WNK3: variants seen among roughly 807,000 people sequenced by gnomAD.
WNK3 encodes the protein serine/threonine-protein kinase WNK3.
Under a neutral mutation model 116.7 loss-of-function variants are expected in WNK3, and 18 were observed. That is an observed-to-expected ratio of 0.15 (90% CI 0.11 to 0.23). The LOEUF (loss-of-function observed/expected upper bound fraction) is 0.23, where lower values mean the gene tolerates loss of function less well. Ranked by LOEUF, WNK3 falls within the 10% of genes least tolerant of loss-of-function variation. The pLI is 1.00. For synonymous variants in WNK3, 404 were observed against 469.4 expected (o/e 0.86, Z 1.80); for missense variants, 993 against 1,323.8 (o/e 0.75, Z 3.88).
intron 22 of WNK3, among the ~76,000 whole-genome samples, chrX:54,217,098 T>C (rs1413817224): frequency 9.2e-6 from 1 of 109,221 alleles, no homozygotes; most frequent in Non-Finnish European, 1.9e-5. Context: ...GGCAGGCAGA[T>C]CACGAGGTCG....
chrX:54,222,007 A>C (rs914166771), intron 22 of WNK3, among the ~76,000 whole-genome samples: 11 of 110,916 alleles, frequency 9.9e-5, no homozygotes, highest in African/African-American at 3.6e-4. Flanking sequence ...AAATACAAAA[A>C]TTAGCTGCAC....
chrX:54,332,972 A>T (rs1200202761), intron 2 of WNK3, among the ~76,000 whole-genome samples, 165 bp downstream of exon 2: 2 of 110,639 alleles, frequency 1.8e-5, no homozygotes, highest in African/African-American at 6.6e-5. Context: ...AAAAGTTTGG[A>T]GTGAGCTCCT....
At chrX:54,347,436 A>G (rs1240265987) in intron 1 of WNK3, among the ~76,000 whole-genome samples, 1 of 111,324 alleles carries the variant, frequency 9.0e-6, no homozygotes, top group East Asian at 2.8e-4. Context: ...CAGTGAGCCA[A>G]GATAGCGCCA....
At chrX:54,321,631 T>G (rs1349206878) in intron 2 of WNK3, among the ~76,000 whole-genome samples, 1 of 111,575 alleles carries the variant, frequency 9.0e-6, no homozygotes, top group Non-Finnish European at 1.9e-5. Context: ...ATTACCATAC[T>G]AAAGCTTTGA....
exon 8 of WNK3, chrX:54,294,560 A>G (rs782032928): frequency 8.5e-7 from 1 of 1,169,920 alleles, no homozygotes; most frequent in Non-Finnish European, 1.1e-6. Flanking sequence ...TACCTGTAAC[A>G]GAGGAGCAGT....
intron 3 of WNK3, 133 bp from the exon 4 acceptor site, chrX:54,309,448 G>A: frequency 2.1e-6 from 1 of 483,994 alleles, no homozygotes. Flanking sequence ...TCTATTGTCT[G>A]TTATGGCAAA....
intron 22 of WNK3, among the ~76,000 whole-genome samples, chrX:54,220,793 G>C (rs2067752990): frequency 9.0e-6 from 1 of 110,648 alleles, no homozygotes; most frequent in Non-Finnish European, 1.9e-5. Context: ...ATAAAGAGAA[G>C]AGTTTTAAAT....
intron 15 of WNK3, among the ~76,000 whole-genome samples, chrX:54,251,014 C>T (rs931473664): frequency 1.2e-4 from 13 of 111,636 alleles, no homozygotes; most frequent in Non-Finnish European, 2.4e-4. Context: ...AATCAAGATA[C>T]GAATGACTAT....
chrX:54,210,626 C>T (rs782439420), intron 22 of WNK3, among the ~76,000 whole-genome samples: 2 of 111,317 alleles, frequency 1.8e-5, no homozygotes, highest in South Asian at 3.8e-4. Context: ...GACCCTGTCT[C>T]TAAAAAATAA....
chrX:54,351,054 C>CAT (rs1253801358), intron 1 of WNK3, among the ~76,000 whole-genome samples: 2 of 109,936 alleles, frequency 1.8e-5, no homozygotes, highest in Non-Finnish European at 3.8e-5. Context: ...TGGGTGAATG[C>CAT]ATATAAAAAA....
chrX:54,257,526 G>A (rs1438399327), intron 11 of WNK3, among the ~76,000 whole-genome samples: 1 of 110,986 alleles, frequency 9.0e-6, no homozygotes, highest in Non-Finnish European at 1.9e-5. Flanking sequence ...CAGGCATGGT[G>A]GCTCACGCCT....
At chrX:54,294,478 T>C in intron 8 of WNK3, 75 bp downstream of exon 8, 1 of 840,274 alleles carries the variant, frequency 1.2e-6, no homozygotes, top group Non-Finnish European at 1.6e-6. Flanking sequence ...CATTGACCAC[T>C]GCCCTTCAAA....
Position 54,295,204 on chromosome X carries a change from CT to C in WNK3, c.1399-358del, listed in dbSNP as rs74314292. The stretch of plus-strand genomic sequence containing the variant: ...AGCCACCGCGCCCGGCCAATTTTAA[CT>C]TTTTTTTTTTTTACTAGCAGTTATT... On this transcript the variant is annotated intron_variant, in intron 7 of 23. Transcript: ENST00000354646. 5.6e-3 allele frequency among the ~76,000 whole-genome samples: 565 copies of C among 101,782 alleles called. 1 individual carries two copies. The highest frequency in any genetic ancestry group is 0.014 in the African/African-American group (384 of 28,362). 88.4% of individuals were successfully genotyped at this position (101,782 alleles called of 115,157 possible). A position where few individuals can be genotyped will look rare whatever the true frequency, so the allele number is the denominator to read the frequency against.
intron 22 of WNK3, among the ~76,000 whole-genome samples, chrX:54,213,483 A>G (rs1167818474): frequency 5.0e-5 from 5 of 99,347 alleles, no homozygotes; most frequent in Non-Finnish European, 9.9e-5. Context: ...GAAACCGGGA[A>G]GTGGAGGTTG....
At chrX:54,345,942 T>C (rs782212247) in intron 1 of WNK3, among the ~76,000 whole-genome samples, 161 of 110,219 alleles carry the variant, frequency 1.5e-3, no homozygotes, top group Non-Finnish European at 2.2e-3. Context: ...CCAAGCCCTA[T>C]AAATTCAGAA....
intron 22 of WNK3, among the ~76,000 whole-genome samples, chrX:54,207,501 CCATTT>C (rs1283480492): frequency 9.2e-6 from 1 of 108,312 alleles, no homozygotes; most frequent in African/African-American, 3.3e-5. Context: ...TCAATTCTGC[CCATTT>C]ATCTTTTTTT....
At chrX:54,291,269 C>T (rs782334072) in intron 10 of WNK3, among the ~76,000 whole-genome samples, 7 of 110,477 alleles carry the variant, frequency 6.3e-5, no homozygotes, top group Non-Finnish European at 1.3e-4. Flanking sequence ...GCCGAGATCG[C>T]GCCACTGCAC....
chrX:54,201,919 A>C, intron 23 of WNK3, 72 bp downstream of exon 23: 1,207 of 751,467 alleles, frequency 1.6e-3, no homozygotes, highest in Non-Finnish European at 2.2e-3. Flanking sequence ...GACTGTAACT[A>C]TAGGCCTAAG....
intron 20 of WNK3, 60 bp downstream of exon 20, chrX:54,236,878 T>C: frequency 8.9e-7 from 1 of 1,118,353 alleles, no homozygotes; most frequent in South Asian, 2.2e-5. Flanking sequence ...ACCAATCCAA[T>C]ACTAAGTTCT....
Sources: gnomAD v4.1 joint callset for allele counts (sites outside exome capture counted in the v4.1 genomes callset) on GRCh38, gnomAD v4.1.1 for gene constraint, MANE v1.5 for transcripts, NCBI Gene and HGNC (gene_info 2026-07-23, HGNC 2026-07-21) for gene names.